The following CSMD1 variants were observed in gnomAD, a reference collection of about 807,000 sequenced individuals.
The protein encoded by CSMD1 is CUB and sushi domain-containing protein 1.
A neutral mutation model predicts 417.5 loss-of-function variants in CSMD1; 213 were observed. The ratio of observed to expected loss-of-function variants is 0.51; its 90% confidence interval spans 0.46 to 0.57. The LOEUF is 0.57. CSMD1 is among the 20% of genes least tolerant of loss of function. The pLI, the probability that CSMD1 is intolerant of heterozygous loss-of-function variation, is 0.00. For synonymous variants in CSMD1, 2,862 were observed against 1,736.8 expected, an observed-to-expected ratio of 1.65 and a Z score of -16.11; for missense variants, 6,923 against 4,529.7, an observed-to-expected ratio of 1.53 and a Z score of -15.17.
chr8:3,044,313 T>C (rs1017230847), intron 50 of CSMD1, among the ~76,000 whole-genome samples: 1 of 152,182 alleles, frequency 6.6e-6, no homozygotes, highest in Non-Finnish European at 1.5e-5. Context: ...GAAAAGGTGA[T>C]TGCATTCTAA....
intron 3 of CSMD1, among the ~76,000 whole-genome samples, chr8:4,235,696 T>TTTTA (rs1315157872): frequency 6.6e-6 from 1 of 152,198 alleles, no homozygotes; most frequent in Non-Finnish European, 1.5e-5. Flanking sequence ...TCCTGAAGAA[T>TTTTA]TTTATTTATT....
chr8:4,476,343 G>A (rs1012199336), intron 2 of CSMD1, among the ~76,000 whole-genome samples: 8 of 152,208 alleles, frequency 5.3e-5, no homozygotes, highest in Middle Eastern at 3.4e-3. Context: ...AGGATCATAA[G>A]AATATGGTAT....
intron 2 of CSMD1, among the ~76,000 whole-genome samples, chr8:4,489,394 CA>C (rs1313034591): frequency 6.6e-6 from 1 of 152,154 alleles, no homozygotes; most frequent in African/African-American, 2.4e-5. Context: ...CAATCCCCAC[CA>C]AAACATTTAC....
At chr8:3,908,732 T>A (rs906285814) in intron 5 of CSMD1, among the ~76,000 whole-genome samples, 14 of 152,186 alleles carry the variant, frequency 9.2e-5, no homozygotes, top group African/African-American at 2.4e-5. Flanking sequence ...CTCAAAGATA[T>A]TATTAATATA....
chr8:3,914,811 A>C (rs1808706696), intron 5 of CSMD1, among the ~76,000 whole-genome samples: 1 of 151,950 alleles, frequency 6.6e-6, no homozygotes, highest in Admixed American at 6.6e-5. Flanking sequence ...ATTGACATCT[A>C]CTCTACTGAG....
intron 3 of CSMD1, among the ~76,000 whole-genome samples, chr8:4,076,357 C>A (rs1242993690): frequency 2.6e-5 from 4 of 152,154 alleles, no homozygotes; most frequent in Non-Finnish European, 5.9e-5. Flanking sequence ...AACCTCTTTC[C>A]TTTAAAAGTT....
intron 6 of CSMD1, among the ~76,000 whole-genome samples, chr8:3,735,791 T>A (rs1796496428): frequency 6.6e-6 from 1 of 152,234 alleles, no homozygotes; most frequent in Non-Finnish European, 1.5e-5. Context: ...TGCTCCTTGC[T>A]AATCTGGCCA....
rs1208930261 is a variant in CSMD1, at chr8:4,146,593, C to CTTTTTTTTTTTTTTTTTTTTTTT, written c.416-114495_416-114494insAAAAAAAAAAAAAAAAAAAAAAA. Among the ~76,000 whole-genome samples the CTTTTTTTTTTTTTTTTTTTTTTT allele has an allele frequency of 3.0e-4, 27 of 90,760 alleles. 11 individuals are homozygous for CTTTTTTTTTTTTTTTTTTTTTTT. The highest frequency in any genetic ancestry group is 3.1e-4 in the Non-Finnish European group (16 of 51,300). The allele number at this position is 90,760 out of a possible 152,430, so 59.5% of individuals were successfully genotyped here. On this transcript the variant is annotated intron_variant, in intron 3 of 69. Coordinates refer to ENST00000635120, the MANE Select transcript of CSMD1 (RefSeq NM_033225.6). The stretch of plus-strand genomic sequence containing the variant: ...ATCTGTCTAAATGTTTATATGGACA[C>CTTTTTTTTTTTTTTTTTTTTTTT]ATTTTTTTTTTTTTTTTTTTTTTTT...
At position 4,038,748 on chromosome 8, in the gene CSMD1, G is replaced by C. The variant is rs535913539; in HGVS notation, c.416-6649C>G. Among the ~76,000 whole-genome samples, 4 of 152,248 alleles carry C rather than the reference G, an allele frequency of 2.6e-5. No individual in the cohort carries two copies. In the South Asian group the frequency reaches 8.3e-4, roughly 32 times the overall value. On this transcript the variant is annotated intron_variant, in intron 3 of 69. Coordinates refer to ENST00000635120, the MANE Select transcript of CSMD1 (RefSeq NM_033225.6). Reference sequence around the variant, plus strand: ...TGATGGGAATTCTGCGCCCAATGCAGACATTTGGTAACGTGAAAGGATTTC... The same window carrying C: ...TGATGGGAATTCTGCGCCCAATGCACACATTTGGTAACGTGAAAGGATTTC...
At chr8:3,219,555 C>T in intron 28 of CSMD1, 113 bp from the exon 29 acceptor site, 1 of 714,112 alleles carries the variant, frequency 1.4e-6, no homozygotes, top group East Asian at 3.1e-5. Flanking sequence ...AATGATTTTT[C>T]AGTTAGGGCA....
At chr8:3,582,324 G>C (rs1800417866) in intron 9 of CSMD1, among the ~76,000 whole-genome samples, 1 of 152,054 alleles carries the variant, frequency 6.6e-6, no homozygotes, top group South Asian at 2.1e-4. Flanking sequence ...TTCTCTAATG[G>C]ATGAATCCAT....
rs150613271 is a variant in CSMD1 at position 3,451,990 on chromosome 8, A to C, written c.1561+16722T>G. On this transcript the variant is annotated intron_variant, in intron 12 of 69. Transcript: ENST00000635120. Reference sequence around the variant, plus strand: ...ATTTGTTTGTCTCCTCTTTTATTTCATTGAGCAGTGGTTTGTAGTTCTCCT... The same window carrying C: ...ATTTGTTTGTCTCCTCTTTTATTTCCTTGAGCAGTGGTTTGTAGTTCTCCT... Among the ~76,000 whole-genome samples the C allele has an allele frequency of 3.1e-3, 469 of 152,126 alleles. 3 individuals carry two copies. The highest frequency in any genetic ancestry group is 0.021 in the East Asian group (108 of 5,160).
At chr8:3,859,043 G>A (rs1299058699) in intron 5 of CSMD1, among the ~76,000 whole-genome samples, 2 of 152,116 alleles carry the variant, frequency 1.3e-5, no homozygotes, top group Non-Finnish European at 2.9e-5. Context: ...TATTATAAGT[G>A]AAATTTTACA....
intron 2 of CSMD1, among the ~76,000 whole-genome samples, chr8:4,440,109 C>A (rs759349266): frequency 6.6e-6 from 1 of 152,114 alleles, no homozygotes; most frequent in Non-Finnish European, 1.5e-5. Context: ...AAAAGAGGAA[C>A]TCATTCTCTT....
chr8:3,825,888 G>T (rs547357653), intron 5 of CSMD1, among the ~76,000 whole-genome samples: 1 of 152,260 alleles, frequency 6.6e-6, no homozygotes, highest in East Asian at 1.9e-4. Flanking sequence ...CAGAAACCAA[G>T]GTATCATGAC....
intron 5 of CSMD1, among the ~76,000 whole-genome samples, chr8:3,814,915 C>G (rs1383945): frequency 6.6e-6 from 1 of 151,842 alleles, no homozygotes; most frequent in Non-Finnish European, 1.5e-5. Flanking sequence ...CTTTAAAAAC[C>G]GACACTCTCA....
intron 3 of CSMD1, among the ~76,000 whole-genome samples, chr8:4,051,397 G>GTA (rs1798417589): frequency 6.6e-6 from 1 of 151,938 alleles, no homozygotes; most frequent in Non-Finnish European, 1.5e-5. Context: ...ATCCAACCCA[G>GTA]TAGCATAATG....
chr8:4,675,552 T>A (rs1004327283), intron 1 of CSMD1, among the ~76,000 whole-genome samples: 1 of 152,194 alleles, frequency 6.6e-6, no homozygotes, highest in African/African-American at 2.4e-5. Flanking sequence ...GTTTGATATT[T>A]CAATGTAGAG....
Position 3,715,135 on chromosome 8 carries a change from T to A in CSMD1, c.932-6644A>T, listed in dbSNP as rs568396686. ...TGAGGAAGAGTCATCGAAATTCAGA[T>A]CACCTTATATTTTAAACACACATTT... On this transcript the variant is annotated intron_variant, in intron 6 of 69. Transcript: ENST00000635120. Among the ~76,000 whole-genome samples the A allele has an allele frequency of 1.2e-4, 18 of 152,344 alleles. No individual in the cohort carries two copies. In the South Asian group the frequency reaches 3.5e-3, roughly 30 times the overall value.
Sources: allele counts gnomAD v4.1 joint callset (sites outside exome capture counted in the v4.1 genomes callset), GRCh38; gene constraint gnomAD v4.1.1; transcripts MANE v1.5; gene names NCBI Gene and HGNC (gene_info 2026-07-23, HGNC 2026-07-21).